Variants in CHRM3 observed in about 807,000 individuals in gnomAD.
CHRM3 encodes muscarinic acetylcholine receptor M3.
CHRM3 carries 11 observed loss-of-function variants against 41.8 expected under a neutral mutation model. That is an observed-to-expected ratio of 0.26 (90% confidence interval 0.17 to 0.44). The LOEUF is 0.44. CHRM3 is among the 20% of genes least tolerant of loss of function. The probability of loss-of-function intolerance (pLI) is 1.00; values close to 1 mark genes in which losing one functional copy is unlikely to be tolerated. For synonymous variants in CHRM3, 297 were observed against 301.4 expected (o/e 0.99, Z 0.15); for missense variants, 571 against 745.4 (o/e 0.77, Z 2.72).
chr1:239,726,737 T>G (rs189845091), intron 5 of CHRM3, among the ~76,000 whole-genome samples: 91 of 152,106 alleles, frequency 6.0e-4, no homozygotes, highest in Admixed American at 1.6e-3. Context: ...TCTGTGAAAT[T>G]AGACATGACA....
chr1:239,611,416 CTTTTTTTTTT>C (rs75352638), intron 3 of CHRM3, among the ~76,000 whole-genome samples: 2 of 96,220 alleles, frequency 2.1e-5, no homozygotes, highest in East Asian at 3.7e-4. Flanking sequence ...TTGCAAGTGA[CTTTTTTTTTT>C]TTTTTTTTTT....
At chr1:239,833,587 A>C (rs1572434394) in intron 6 of CHRM3, among the ~76,000 whole-genome samples, 1 of 151,996 alleles carries the variant, frequency 6.6e-6, no homozygotes, top group African/African-American at 2.4e-5. Flanking sequence ...TCTCCCCAAA[A>C]CCTCGTTGTG....
At chr1:239,552,700 CG>C (rs1308837022) in intron 3 of CHRM3, among the ~76,000 whole-genome samples, 1 of 149,482 alleles carries the variant, frequency 6.7e-6, no homozygotes, top group Non-Finnish European at 1.5e-5. Context: ...TTAATTGCCC[CG>C]GCTGGTCCCC....
At chr1:239,745,031 C>T (rs1414441832) in intron 5 of CHRM3, among the ~76,000 whole-genome samples, 1 of 152,016 alleles carries the variant, frequency 6.6e-6, no homozygotes, top group Non-Finnish European at 1.5e-5. Flanking sequence ...TCAGATGTGG[C>T]ATTTCAGGAC....
Position 239,908,002 on chromosome 1 carries a change from G to C in CHRM3, c.551G>C (p.Arg184Thr). 1.2e-6 allele frequency: 2 copies of C among 1,614,162 alleles called. No homozygotes were observed. The highest frequency in any genetic ancestry group is 2.2e-5 in the East Asian group (1 of 44,862). The change falls in exon 7 of 7, where the codon AGA becomes ACA. Residue 184 changes from arginine (R) to threonine (T), a missense_variant. Coordinates refer to ENST00000676153, the MANE Select transcript of CHRM3 (RefSeq NM_001375978.1). The surrounding 1 kb of genome is among the most constrained non-coding windows in gnomAD (Gnocchi z 7.2). ...LTYRAKRTTK[R>T]AGVMIGLAWV... ...TACCGAGCCAAACGAACAACAAAGA[G>C]AGCCGGTGTGATGATCGGTCTGGCT... is the stretch of plus-strand genomic sequence containing the variant.
chr1:239,693,888 A>G (rs1413238841), intron 5 of CHRM3, among the ~76,000 whole-genome samples: 1 of 152,172 alleles, frequency 6.6e-6, no homozygotes, highest in Non-Finnish European at 1.5e-5. Flanking sequence ...TCAATTTCAT[A>G]CCTGATAGGG....
chr1:239,588,065 A>G (rs1410497354), intron 3 of CHRM3, among the ~76,000 whole-genome samples: 1 of 152,240 alleles, frequency 6.6e-6, no homozygotes, highest in Non-Finnish European at 1.5e-5. Flanking sequence ...AGCATGTAGC[A>G]TATTTTAAAT....
intron 6 of CHRM3, among the ~76,000 whole-genome samples, chr1:239,894,094 A>T (rs1273785018): frequency 6.6e-6 from 1 of 152,186 alleles, no homozygotes; most frequent in Non-Finnish European, 1.5e-5. Context: ...ATGACTAATA[A>T]AGCCATAGGC....
At position 239,713,008 on chromosome 1, in the gene CHRM3, A is replaced by G. The variant is rs112791144; in HGVS notation, c.-147+34720A>G. Among the ~76,000 whole-genome samples, 114 of 152,292 alleles carry G rather than the reference A, an allele frequency of 7.5e-4. 1 individual carries two copies. The highest frequency in any genetic ancestry group is 2.7e-3 in the African/African-American group (111 of 41,568). On this transcript the variant is annotated intron_variant, in intron 5 of 6. Transcript: ENST00000676153. ...CCCTTCCAATCCCTGACACAGGGCC[A>G]GAAGCCAGCGCCTAAAAAGGAAGTC... is the stretch of plus-strand genomic sequence containing the variant.
chr1:239,704,032 T>C (rs572648988), intron 5 of CHRM3: 3 of 152,316 alleles, frequency 2.0e-5, no homozygotes, highest in African/African-American at 7.2e-5. Flanking sequence ...CATTTATCCG[T>C]TGGAGTTTTT....
chr1:239,862,644 T>C (rs1049405011), intron 6 of CHRM3, among the ~76,000 whole-genome samples: 5 of 152,224 alleles, frequency 3.3e-5, no homozygotes, highest in African/African-American at 1.2e-4. Flanking sequence ...TGATTTGATT[T>C]CTTTAAGTAC....
intron 5 of CHRM3, among the ~76,000 whole-genome samples, chr1:239,725,841 T>A (rs1283086890): frequency 1.3e-5 from 2 of 152,090 alleles, no homozygotes. Context: ...ATGGCTTGAA[T>A]TCAAGTGAGC....
At chr1:239,603,743 C>G (rs1337038815) in intron 3 of CHRM3, among the ~76,000 whole-genome samples, 1 of 151,838 alleles carries the variant, frequency 6.6e-6, no homozygotes, top group South Asian at 2.1e-4. Context: ...GTCATGAGTG[C>G]GTGGGTGTTA....
At chr1:239,807,410 T>A (rs1487991824) in intron 5 of CHRM3, among the ~76,000 whole-genome samples, 3 of 152,204 alleles carry the variant, frequency 2.0e-5, no homozygotes, top group African/African-American at 4.8e-5. Flanking sequence ...ATTTTGGCAA[T>A]GAACACCTTC....
At chr1:239,790,310 G>C (rs566912903) in intron 5 of CHRM3, among the ~76,000 whole-genome samples, 3 of 152,300 alleles carry the variant, frequency 2.0e-5, no homozygotes, top group South Asian at 4.1e-4. Context: ...GGGTTTGGCT[G>C]TGTCGCCACC....
Position 239,864,483 on chromosome 1 carries a change from G to A in CHRM3, c.-20+37105G>A, listed in dbSNP as rs1267247827. On this transcript the variant is annotated intron_variant, in intron 6 of 6. Transcript: ENST00000676153. The stretch of plus-strand genomic sequence containing the variant: ...GATCGTGCCATTGCACTCCAGCCTG[G>A]GCAACAAGAGCGAAACTCCGTCTCA... Among the ~76,000 whole-genome samples the A allele has an allele frequency of 2.6e-5, 4 of 151,170 alleles. No homozygotes were observed. The East Asian group carries it at 7.8e-4, about 29-fold the overall frequency.
At chr1:239,861,678 C>A (rs1675654892) in intron 6 of CHRM3, among the ~76,000 whole-genome samples, 1 of 152,036 alleles carries the variant, frequency 6.6e-6, no homozygotes, top group South Asian at 2.1e-4. Context: ...GTTATTTTTT[C>A]GTAGAGTACT....
chr1:239,894,448 T>G (rs1401145785), intron 6 of CHRM3, among the ~76,000 whole-genome samples: 1 of 152,142 alleles, frequency 6.6e-6, no homozygotes, highest in Non-Finnish European at 1.5e-5. Flanking sequence ...ATTTTTATTT[T>G]TTGAGATGGA....
At chr1:239,546,565 C>T (rs1465972724) in intron 3 of CHRM3, 3 of 152,022 alleles carry the variant, frequency 2.0e-5, no homozygotes, top group African/African-American at 7.2e-5. Context: ...TGATAAAATC[C>T]TCATTAATTT....
Sources: gnomAD v4.1 joint callset for allele counts (sites outside exome capture counted in the v4.1 genomes callset) on GRCh38, gnomAD v4.1.1 for gene constraint, Gnocchi (gnomAD v3.1) non-coding constraint, MANE v1.5 for transcripts, NCBI Gene and HGNC (gene_info 2026-07-23, HGNC 2026-07-21) for gene names.